Variants in ANKRD30BL observed in about 807,000 individuals in gnomAD.
ANKRD30BL encodes the protein putative ankyrin repeat domain-containing protein 30B-like.
A neutral mutation model predicts 18.4 loss-of-function variants in ANKRD30BL; 20 were observed. That is an observed-to-expected ratio of 1.09 (90% CI 0.77 to 1.58). The LOEUF (loss-of-function observed/expected upper bound fraction) is 1.58. Among genes scored for constraint, ANKRD30BL ranks in the 40% most tolerant of loss-of-function variants. The pLI is 0.00. For missense variants in ANKRD30BL, 224 were observed against 268.6 expected (o/e 0.83, Z 1.16); for synonymous variants, 72 against 100.9 (o/e 0.71, Z 1.72).
upstream of ANKRD30BL, among the ~76,000 whole-genome samples, chr2:132,165,663 A>T (rs1292396561): frequency 2.6e-5 from 4 of 151,890 alleles, no homozygotes; most frequent in Admixed American, 6.6e-5. Context: ...TGGAGGTTGC[A>T]GTATCCTTCT....
intron 1 of ANKRD30BL, among the ~76,000 whole-genome samples, chr2:132,254,237 C>T (rs1008218741): frequency 2.0e-5 from 3 of 152,082 alleles, no homozygotes; most frequent in African/African-American, 7.2e-5. Context: ...GCAGGTGGGG[C>T]CATGCAACGA....
At position 132,202,241 on chromosome 2, in the gene ANKRD30BL, T is replaced by C. The variant is rs542303313; in HGVS notation, n.442-45095A>G. Reference sequence around the variant, plus strand: ...CACCAGCATGGCACATGTATACATATGTAACTAACCTGCACATTGTGCACA... The same window carrying C: ...CACCAGCATGGCACATGTATACATACGTAACTAACCTGCACATTGTGCACA... On this transcript the variant is annotated intron_variant and non_coding_transcript_variant, in intron 1 of 4. Transcript: ENST00000470729. Among the ~76,000 whole-genome samples, 329 of 152,194 alleles carry C rather than the reference T, an allele frequency of 2.2e-3. 1 individual carries two copies. The highest frequency in any genetic ancestry group is 7.5e-3 in the African/African-American group (310 of 41,510).
At chr2:132,220,193 T>C (rs1232536775) in intron 1 of ANKRD30BL, among the ~76,000 whole-genome samples, 3 of 152,114 alleles carry the variant, frequency 2.0e-5, no homozygotes, top group Admixed American at 2.0e-4. Flanking sequence ...GGTAGAAGCA[T>C]TCTCAGAAAC....
intron 1 of ANKRD30BL, among the ~76,000 whole-genome samples, chr2:132,208,842 A>T (rs1679262325): frequency 6.6e-6 from 1 of 151,766 alleles, no homozygotes; most frequent in Non-Finnish European, 1.5e-5. Flanking sequence ...ATATCTTCAC[A>T]TAAAGACAAG....
In ANKRD30BL at chr2:132,182,582, AGT is replaced by A. The variant is rs551108662; in HGVS notation, n.442-25438_442-25437del. On this transcript the variant is annotated intron_variant and non_coding_transcript_variant, in intron 1 of 4. Coordinates refer to the ANKRD30BL transcript ENST00000470729. ...AAAATGGAAGCTCAGCTTAATAATG[AGT>A]TATTGCACAATAGGAAGAAATAAGT... 3.3e-5 allele frequency among the ~76,000 whole-genome samples: 5 copies of A among 152,314 alleles called. No homozygotes were observed. In the South Asian group the frequency reaches 1.0e-3, roughly 32 times the overall value.
intron 1 of ANKRD30BL, among the ~76,000 whole-genome samples, chr2:132,251,961 G>C (rs1573897274): frequency 6.6e-6 from 1 of 152,320 alleles, no homozygotes; most frequent in East Asian, 1.9e-4. Flanking sequence ...GTGAAGCTGG[G>C]CTTTTCCAGT....
Position 132,238,215 on chromosome 2 carries a change from A to T in ANKRD30BL, n.441+19314T>A, listed in dbSNP as rs573305300. On this transcript the variant is annotated intron_variant and non_coding_transcript_variant, in intron 1 of 4. Coordinates refer to the ANKRD30BL transcript ENST00000470729. ...CTCACAGAGTTAAACCTATCGTTTG[A>T]TACAGCAGTTATGAAAGACTCTTCT... Among the ~76,000 whole-genome samples, 4 of 152,062 alleles carry T rather than the reference A, an allele frequency of 2.6e-5. No homozygotes were observed. The South Asian group carries it at 8.3e-4, about 31-fold the overall frequency.
chr2:132,193,291 C>T (rs1335220173), intron 1 of ANKRD30BL, among the ~76,000 whole-genome samples: 3 of 152,182 alleles, frequency 2.0e-5, no homozygotes, highest in African/African-American at 7.2e-5. Context: ...ACTGCTGCCT[C>T]TGACTGTCTT....
In ANKRD30BL at chr2:132,154,644, TA is replaced by T. The variant is rs79388922; in HGVS notation, c.614+17del. The T allele has an allele frequency of 4.2e-3, 2,704 of 643,178 alleles. 58 individuals are homozygous for T. The African/African-American group carries it at 0.045, about 11-fold the overall frequency. 39.8% of individuals were successfully genotyped at this position (643,178 alleles called of 1,614,324 possible). A position where few individuals can be genotyped will look rare whatever the true frequency, so the allele number is the denominator to read the frequency against. Reference sequence around the variant, plus strand: ...AGCACACTACTCAAGTGTTTTTTAATAAAAAAAACTACTATACCATTTAAAC... The same window carrying T: ...AGCACACTACTCAAGTGTTTTTTAATAAAAAAACTACTATACCATTTAAAC... On this transcript the variant is annotated intron_variant, in intron 4 of 5. Coordinates refer to ENST00000409867, the MANE Select transcript of ANKRD30BL (RefSeq NM_001358416.1).
Position 132,231,771 on chromosome 2 carries a change from C to T in ANKRD30BL, n.441+25758G>A, listed in dbSNP as rs530651459. 6.9e-4 allele frequency among the ~76,000 whole-genome samples: 105 copies of T among 152,294 alleles called. 1 individual carries two copies. Among genetic ancestry groups the T allele is most frequent in the African/African-American group, 2.2e-3 (91 of 41,572 alleles). On this transcript the variant is annotated intron_variant and non_coding_transcript_variant, in intron 1 of 4. Coordinates refer to the ANKRD30BL transcript ENST00000470729. ...GCAGCGAGGCTGGGGGAGGGGCACCCGCCATTACCCAGGCTTGCTTAGGTA... is the reference window on the plus strand; with the variant it reads ...GCAGCGAGGCTGGGGGAGGGGCACCTGCCATTACCCAGGCTTGCTTAGGTA...
chr2:132,253,807 G>A (rs573638474), intron 1 of ANKRD30BL, among the ~76,000 whole-genome samples: 6 of 152,126 alleles, frequency 3.9e-5, no homozygotes, highest in African/African-American at 9.6e-5. Flanking sequence ...GCGGATGAGG[G>A]GGGTGGGACC....
intron 1 of ANKRD30BL, among the ~76,000 whole-genome samples, chr2:132,182,580 T>C (rs1296178661): frequency 6.6e-6 from 1 of 152,074 alleles, no homozygotes; most frequent in African/African-American, 2.4e-5. Context: ...AGCTTAATAA[T>C]GAGTTATTGC....
intron 1 of ANKRD30BL, among the ~76,000 whole-genome samples, chr2:132,241,769 T>C (rs796809314): frequency 6.6e-6 from 1 of 151,714 alleles, no homozygotes; most frequent in East Asian, 1.9e-4. Context: ...TTTCTTTTGA[T>C]ACGCAAGTTT....
intron 1 of ANKRD30BL, among the ~76,000 whole-genome samples, chr2:132,191,729 G>A (rs2104738718): frequency 6.7e-6 from 1 of 149,504 alleles, no homozygotes; most frequent in South Asian, 2.1e-4. Flanking sequence ...TTCTCACTAT[G>A]GAGTTTGATT....
chr2:132,243,087 C>G (rs1190850817), intron 1 of ANKRD30BL, among the ~76,000 whole-genome samples: 1 of 151,682 alleles, frequency 6.6e-6, no homozygotes, highest in Admixed American at 6.6e-5. Flanking sequence ...TTCTCAGAAA[C>G]TTATTTCTGG....
intron 1 of ANKRD30BL, chr2:132,256,953 G>C (rs765338155): frequency 8.4e-6 from 4 of 478,706 alleles, no homozygotes; most frequent in Admixed American, 2.2e-5. Flanking sequence ...CCCGCAGAGG[G>C]GCGGCTCGGG....
chr2:132,157,450 A>G (rs1046550049), intron 1 of ANKRD30BL, 27 bp from the exon 2 acceptor site: 2 of 617,386 alleles, frequency 3.2e-6, no homozygotes, highest in Non-Finnish European at 6.0e-6. Context: ...CCTTTTAAGG[A>G]AAGTTTAGTC....
chr2:132,172,621 T>C (rs1408133020), intron 1 of ANKRD30BL, among the ~76,000 whole-genome samples: 1 of 152,146 alleles, frequency 6.6e-6, no homozygotes, highest in African/African-American at 2.4e-5. Context: ...ATTATACATA[T>C]TATATCCACA....
intron 1 of ANKRD30BL, among the ~76,000 whole-genome samples, chr2:132,202,998 T>C (rs1439259641): frequency 1.3e-5 from 2 of 152,238 alleles, no homozygotes; most frequent in African/African-American, 2.4e-5. Context: ...ACCAAATGTG[T>C]TAATTAACAG....
Sources: allele counts gnomAD v4.1 joint callset (sites outside exome capture counted in the v4.1 genomes callset), GRCh38; gene constraint gnomAD v4.1.1; transcripts MANE v1.5; gene names NCBI Gene and HGNC (gene_info 2026-07-23, HGNC 2026-07-21).